The following CLPB variants were observed in gnomAD, a reference collection of about 807,000 sequenced individuals.
The protein encoded by CLPB is mitochondrial disaggregase.
Under a neutral mutation model 78.4 loss-of-function variants are expected in CLPB, and 40 were observed. That is an observed-to-expected ratio of 0.51 (90% CI 0.40 to 0.66). The LOEUF (loss-of-function observed/expected upper bound fraction) is 0.66. Ranked by LOEUF, CLPB falls within the 30% of genes least tolerant of loss-of-function variation. The pLI, the probability that CLPB is intolerant of heterozygous loss-of-function variation, is 0.00. For missense variants in CLPB, 780 were observed against 886.9 expected (o/e 0.88, Z 1.53); for synonymous variants, 333 against 348.0 (o/e 0.96, Z 0.48).
At position 72,290,152 on chromosome 11, in the gene CLPB, T is replaced by C. The variant is rs188876712; in HGVS notation, c.*3215A>G. 8 of 152,212 alleles carry C rather than the reference T, an allele frequency of 5.3e-5. No individual in the cohort carries two copies. The highest frequency in any genetic ancestry group is 8.8e-5 in the Non-Finnish European group (6 of 68,008). 9.4% of individuals were successfully genotyped at this position (152,212 alleles called of 1,614,324 possible). A position where few individuals can be genotyped will look rare whatever the true frequency, so the allele number is the denominator to read the frequency against. ...AGAATGACTGATGCCAGGGCTGAGA[T>C]AGGGAAAATGTGAGGAAGCCTGAAA... is the stretch of plus-strand genomic sequence containing the variant. On this transcript the variant is annotated 3_prime_UTR_variant, in exon 16 of 16. Coordinates refer to ENST00000538039, the MANE Select transcript of CLPB (RefSeq NM_001258392.3).
At chr11:72,319,067 A>G (rs187024369) in intron 6 of CLPB, among the ~76,000 whole-genome samples, 3 of 152,232 alleles carry the variant, frequency 2.0e-5, no homozygotes, top group East Asian at 1.9e-4. Context: ...CAGTTTCCTC[A>G]CTTCCCTTCA....
intron 4 of CLPB, among the ~76,000 whole-genome samples, chr11:72,370,883 C>T (rs1001993668): frequency 6.6e-6 from 1 of 152,272 alleles, no homozygotes. Context: ...CCTTTAGGAC[C>T]TTCAAGGCTC....
chr11:72,434,122 A>T lies in CLPB; in HGVS notation c.353T>A (p.Leu118Gln). The part of the protein sequence containing the change: ...PSRAGLGMCA[L>Q]AAALVVHCYS... Reference sequence around the variant, plus strand: ...GCAATGAACCACCAGCGCTGCGGCCAGGGCGCACATGCCCAGTCCGGCCCT... The same window carrying T: ...GCAATGAACCACCAGCGCTGCGGCCTGGGCGCACATGCCCAGTCCGGCCCT... Residue 118 changes from leucine (L) to glutamine (Q), a missense_variant, in exon 1 of 16, where the codon CTG (leucine) becomes CAG (glutamine). Leu to Gln is a moderately radical substitution (Grantham distance 113). Coordinates refer to ENST00000538039, the MANE Select transcript of CLPB (RefSeq NM_001258392.3). The T allele has an allele frequency of 6.2e-7, 1 of 1,612,184 alleles. No homozygotes were observed. The highest frequency in any genetic ancestry group is 8.5e-7 in the Non-Finnish European group (1 of 1,180,016).
rs746974289 is a variant in CLPB at position 72,295,600 on chromosome 11, T to C, written c.1378A>G (p.Ile460Val). The change falls in exon 12 of 16, where the codon ATC (isoleucine) becomes GTC (valine). Residue 460 changes from isoleucine (I) to valine (V), a missense_variant. This residue lies in a region of CLPB where 272 missense variants were observed against 304.0 expected (regional missense o/e 0.89). Coordinates refer to ENST00000538039, the MANE Select transcript of CLPB (RefSeq NM_001258392.3). Reference protein sequence around the residue: ...KGKTIDCKDAIFIMTSNVASD... With the variant: ...KGKTIDCKDAVFIMTSNVASD... ...GCCACATTGGAGGTCATGATGAAGA[T>C]GGCGTCCTTGCAATCAATGGTCTTC... 5 of 1,614,158 alleles carry C rather than the reference T, an allele frequency of 3.1e-6. No homozygotes were observed. Among genetic ancestry groups the C allele is most frequent in the Non-Finnish European group, 4.2e-6 (5 of 1,180,024 alleles).
intron 2 of CLPB, among the ~76,000 whole-genome samples, chr11:72,416,131 T>C (rs1021416938): frequency 1.1e-4 from 16 of 152,220 alleles, no homozygotes; most frequent in Non-Finnish European, 1.3e-4. Context: ...CCAGGTGCTT[T>C]CACACTATTG....
At chr11:72,408,721 A>G (rs1439282436) in intron 2 of CLPB, among the ~76,000 whole-genome samples, 2 of 151,866 alleles carry the variant, frequency 1.3e-5, no homozygotes, top group Admixed American at 6.6e-5. Context: ...CCCAACCACA[A>G]GTAACTCTGA....
chr11:72,375,726 T>A (rs1436834250), intron 4 of CLPB, among the ~76,000 whole-genome samples: 2 of 152,208 alleles, frequency 1.3e-5, no homozygotes, highest in Non-Finnish European at 2.9e-5. Flanking sequence ...GGAGCACTGA[T>A]GAGGGGCTAG....
intron 3 of CLPB, among the ~76,000 whole-genome samples, chr11:72,395,873 C>T (rs1270828656): frequency 6.6e-6 from 1 of 152,120 alleles, no homozygotes; most frequent in Non-Finnish European, 1.5e-5. Context: ...GGGAGGCTGC[C>T]AGTAGTCTAG....
intron 7 of CLPB, among the ~76,000 whole-genome samples, chr11:72,313,667 C>T (rs1293420458): frequency 6.6e-6 from 1 of 152,150 alleles, no homozygotes; most frequent in East Asian, 1.9e-4. Context: ...CTGCAGAAGG[C>T]CTAGGTCTCT....
chr11:72,364,812 A>G (rs1950911590), intron 4 of CLPB, among the ~76,000 whole-genome samples: 1 of 151,924 alleles, frequency 6.6e-6, no homozygotes, highest in African/African-American at 2.4e-5. Context: ...CTGGAAAGCA[A>G]AACTGACTGT....
In CLPB at chr11:72,323,116, T is replaced by C. The variant is rs1950071988; in HGVS notation, c.874-5896A>G. ...AGAAACTTTCTATCTGTTAGAAGTATTAATGCTTCTAGTAAAGGGCAACTT... is the reference window on the plus strand; with the variant it reads ...AGAAACTTTCTATCTGTTAGAAGTACTAATGCTTCTAGTAAAGGGCAACTT... On this transcript the variant is annotated intron_variant, in intron 6 of 15. Transcript: ENST00000538039. Among the ~76,000 whole-genome samples, 3 of 152,238 alleles carry C rather than the reference T, an allele frequency of 2.0e-5. No individual in the cohort carries two copies. The South Asian group carries it at 6.2e-4, about 32-fold the overall frequency.
rs1949446580 is a variant in CLPB at position 72,291,191 on chromosome 11, G to A, written c.*2176C>T. ...CTGTCACAGGCTGACAGAGATGAAG[G>A]AAACACCACAACAAAATGCAATATG... is the stretch of plus-strand genomic sequence containing the variant. On this transcript the variant is annotated 3_prime_UTR_variant, in exon 16 of 16. Transcript: ENST00000538039. 1 of 152,178 alleles carries A rather than the reference G, an allele frequency of 6.6e-6. No homozygotes were observed. Among genetic ancestry groups the A allele is most frequent in the Non-Finnish European group, 1.5e-5 (1 of 68,040 alleles). 9.4% of individuals were successfully genotyped at this position (152,178 alleles called of 1,614,324 possible). A position where few individuals can be genotyped will look rare whatever the true frequency, so the allele number is the denominator to read the frequency against.
At chr11:72,394,712 CTT>C (rs1354616800) in intron 3 of CLPB, among the ~76,000 whole-genome samples, 3 of 152,214 alleles carry the variant, frequency 2.0e-5, no homozygotes, top group Non-Finnish European at 4.4e-5. Context: ...AGAAATGACT[CTT>C]TCTTACTCAG....
At chr11:72,313,121 GA>G (rs1949876995) in intron 7 of CLPB, among the ~76,000 whole-genome samples, 1 of 152,186 alleles carries the variant, frequency 6.6e-6, no homozygotes, top group South Asian at 2.1e-4. Context: ...TATAGTGTGG[GA>G]GGTTTTTTAT....
intron 9 of CLPB, among the ~76,000 whole-genome samples, chr11:72,304,621 A>G (rs983134540): frequency 6.6e-6 from 1 of 152,242 alleles, no homozygotes; most frequent in African/African-American, 2.4e-5. Context: ...AGAGAAAAAA[A>G]TAAGTTCACA....
chr11:72,322,698 C>A (rs927357668), intron 6 of CLPB, among the ~76,000 whole-genome samples: 1 of 152,200 alleles, frequency 6.6e-6, no homozygotes, highest in Non-Finnish European at 1.5e-5. Context: ...TATCTCATAA[C>A]TGGTAGTCTT....
chr11:72,386,719 T>C (rs1195917882), intron 3 of CLPB, among the ~76,000 whole-genome samples: 1 of 152,180 alleles, frequency 6.6e-6, no homozygotes, highest in African/African-American at 2.4e-5. Context: ...TTACCTAAAA[T>C]AACTTTTAAA....
chr11:72,362,671 C>T (rs1003423982), intron 4 of CLPB, among the ~76,000 whole-genome samples: 3 of 152,132 alleles, frequency 2.0e-5, no homozygotes, highest in Admixed American at 1.3e-4. Context: ...GTAACGCCTT[C>T]ATGGGATGTT....
At position 72,380,280 on chromosome 11, in the gene CLPB, C is replaced by G; in HGVS notation, c.646+1G>C. ...AGAGAAGCAGGACAGCCCACACTTA[C>G]CTTCCAAAGAATGGATTCCCTGTTC... On this transcript the variant is annotated splice_donor_variant, in intron 4 of 15. Transcript: ENST00000538039. LOFTEE classifies it high-confidence loss of function. 6.2e-7 allele frequency: 1 copy of G among 1,611,038 alleles called. No individual in the cohort carries two copies. The highest frequency in any genetic ancestry group is 8.5e-7 in the Non-Finnish European group (1 of 1,177,124).
Sources: allele counts gnomAD v4.1 joint callset (sites outside exome capture counted in the v4.1 genomes callset), GRCh38; gene constraint gnomAD v4.1.1; regional missense constraint gnomAD v4.1.1; transcripts MANE v1.5; gene names NCBI Gene and HGNC (gene_info 2026-07-23, HGNC 2026-07-21).